MTUS2: variants seen among roughly 807,000 people sequenced by gnomAD.
The protein encoded by MTUS2 is microtubule associated scaffold protein 2, also known as microtubule-associated tumor suppressor candidate 2.
MTUS2 carries 40 observed loss-of-function variants against 114.1 expected under a neutral mutation model. The ratio of observed to expected loss-of-function variants is 0.35; its 90% CI spans 0.27 to 0.46. MTUS2 has a LOEUF of 0.46. MTUS2 is among the 20% of genes least tolerant of loss of function. The pLI is 1.00. For missense variants in MTUS2, 1,679 were observed against 1,705.4 expected (o/e 0.98, Z 0.27); for synonymous variants, 688 against 672.0 (o/e 1.02, Z -0.37).
chr13:29,252,897 G>A (rs1897171570), intron 5 of MTUS2, among the ~76,000 whole-genome samples: 2 of 151,822 alleles, frequency 1.3e-5, no homozygotes, highest in Admixed American at 1.3e-4. Flanking sequence ...GGAACTGTGA[G>A]TCCATTAAGC....
At chr13:29,046,556 C>A (rs1887627981) in intron 4 of MTUS2, among the ~76,000 whole-genome samples, 1 of 152,170 alleles carries the variant, frequency 6.6e-6, no homozygotes, top group South Asian at 2.1e-4. Flanking sequence ...CTCTTTTTGC[C>A]TGCATGTGCA....
intron 5 of MTUS2, among the ~76,000 whole-genome samples, chr13:29,137,470 C>T (rs549627263): frequency 1.8e-4 from 28 of 152,152 alleles, no homozygotes; most frequent in Non-Finnish European, 2.6e-4. Flanking sequence ...CTGGGACTAC[C>T]GCAGTGTATT....
At chr13:29,018,233 A>C (rs1886147957) in intron 2 of MTUS2, among the ~76,000 whole-genome samples, 1 of 152,200 alleles carries the variant, frequency 6.6e-6, no homozygotes, top group Admixed American at 6.5e-5. Flanking sequence ...ATGTAGGCCC[A>C]GTGCTCATTG....
intron 9 of MTUS2, among the ~76,000 whole-genome samples, chr13:29,445,656 C>T (rs1878222998): frequency 1.3e-5 from 2 of 152,120 alleles, no homozygotes; most frequent in Admixed American, 1.3e-4. Context: ...CTTATAATCC[C>T]AGCACTTTGG....
chr13:28,845,298 T>C (rs1410223272), intron 2 of MTUS2, among the ~76,000 whole-genome samples: 2 of 152,236 alleles, frequency 1.3e-5, no homozygotes, highest in African/African-American at 2.4e-5. Context: ...GTCACTAGAA[T>C]GTAAACTTCA....
intron 5 of MTUS2, among the ~76,000 whole-genome samples, chr13:29,204,492 C>G (rs1240126441): frequency 6.6e-6 from 1 of 152,214 alleles, no homozygotes; most frequent in Non-Finnish European, 1.5e-5. Context: ...CTGGGACCAT[C>G]TCTCTCTGGA....
At position 29,503,322 on chromosome 13, in the gene MTUS2, T is replaced by C; in HGVS notation, c.*116T>C. On this transcript the variant is annotated 3_prime_UTR_variant, in exon 16 of 16. Coordinates refer to ENST00000612955, the MANE Select transcript of MTUS2 (RefSeq NM_001033602.4). ...TGTGCGCATGCTCAGTAGCTGCGAATGCATCCTAGGCGCGTCCTCCTCTGA... is the reference window on the plus strand; with the variant it reads ...TGTGCGCATGCTCAGTAGCTGCGAACGCATCCTAGGCGCGTCCTCCTCTGA... The C allele has an allele frequency of 8.5e-7, 1 of 1,172,458 alleles. No homozygotes were observed. Among genetic ancestry groups the C allele is most frequent in the Admixed American group, 2.0e-5 (1 of 49,390 alleles). The allele number at this position is 1,172,458 out of a possible 1,614,324, so 72.6% of individuals were successfully genotyped here.
rs150831150 is a variant in MTUS2, at chr13:29,157,755, C to T, written c.2644+56785C>T. Among the ~76,000 whole-genome samples the T allele has an allele frequency of 4.0e-4, 61 of 152,012 alleles. 1 individual carries two copies. In the East Asian group the frequency reaches 0.01, roughly 26 times the overall value. On this transcript the variant is annotated intron_variant, in intron 5 of 15. Coordinates refer to ENST00000612955, the MANE Select transcript of MTUS2 (RefSeq NM_001033602.4). ...TCTGCATTTCCAACACACTCTGTAGCAAATCTTTATACCTAGGTTAGGATA... is the reference window on the plus strand; with the variant it reads ...TCTGCATTTCCAACACACTCTGTAGTAAATCTTTATACCTAGGTTAGGATA...
At chr13:28,969,302 C>T (rs1883744242) in intron 2 of MTUS2, among the ~76,000 whole-genome samples, 1 of 152,020 alleles carries the variant, frequency 6.6e-6, no homozygotes, top group South Asian at 2.1e-4. Flanking sequence ...TATATATATT[C>T]ATGGGATATA....
rs527296259 is a variant in MTUS2 at position 29,362,645 on chromosome 13, C to T, written c.3117+3172C>T. 1.1e-3 allele frequency among the ~76,000 whole-genome samples: 169 copies of T among 152,202 alleles called. 1 individual carries two copies. In the South Asian group the frequency reaches 0.014, roughly 13 times the overall value. On this transcript the variant is annotated intron_variant, in intron 8 of 15. Coordinates refer to ENST00000612955, the MANE Select transcript of MTUS2 (RefSeq NM_001033602.4). The stretch of plus-strand genomic sequence containing the variant: ...GAGGTTGCAGTGAACCGAGATTGCT[C>T]CACTGCACTCCAGCCTTGGTGACAG...
chr13:29,129,887 A>G (rs962990966), intron 5 of MTUS2, among the ~76,000 whole-genome samples: 4 of 152,278 alleles, frequency 2.6e-5, no homozygotes, highest in South Asian at 2.1e-4. Context: ...TTCTTGGTCC[A>G]TTAAGGTCAG....
At chr13:28,869,071 C>T (rs539887882) in intron 2 of MTUS2, among the ~76,000 whole-genome samples, 8 of 152,340 alleles carry the variant, frequency 5.3e-5, no homozygotes, top group Non-Finnish European at 7.3e-5. Context: ...TGAAACCACT[C>T]ACCTGTAATG....
intron 5 of MTUS2, among the ~76,000 whole-genome samples, chr13:29,204,351 C>T (rs1276250544): frequency 1.3e-5 from 2 of 152,186 alleles, no homozygotes; most frequent in African/African-American, 4.8e-5. Flanking sequence ...TCATGGTCAC[C>T]AGGCTGCGGA....
rs1423836302 is a variant in MTUS2 at position 29,028,734 on chromosome 13, A to T, written c.2205+1831A>T. Among the ~76,000 whole-genome samples the T allele has an allele frequency of 2.6e-5, 4 of 151,992 alleles. No individual in the cohort carries two copies. In the South Asian group the frequency reaches 6.2e-4, roughly 24 times the overall value. ...ATACTTTTTTAGTTTTCCTGAATTG[A>T]CTATAATGTAAACTCCATGAGGGAA... On this transcript the variant is annotated intron_variant, in intron 3 of 15. Coordinates refer to ENST00000612955, the MANE Select transcript of MTUS2 (RefSeq NM_001033602.4).
At chr13:29,011,960 A>G (rs1885862789) in intron 2 of MTUS2, among the ~76,000 whole-genome samples, 1 of 152,222 alleles carries the variant, frequency 6.6e-6, no homozygotes, top group South Asian at 2.1e-4. Flanking sequence ...ATAAAAAGGA[A>G]TTTGAAGGAG....
At chr13:29,372,188 TA>T (rs1871248962) in intron 8 of MTUS2, among the ~76,000 whole-genome samples, 1 of 151,592 alleles carries the variant, frequency 6.6e-6, no homozygotes, top group Non-Finnish European at 1.5e-5. Context: ...CCTCCAAATC[TA>T]GTGTGCACCT....
intron 2 of MTUS2, among the ~76,000 whole-genome samples, chr13:29,011,034 A>G (rs1484234312): frequency 6.6e-6 from 1 of 152,160 alleles, no homozygotes; most frequent in Admixed American, 6.5e-5. Flanking sequence ...TTATGCATAC[A>G]TGTTGTACAT....
chr13:29,088,892 G>A lies in MTUS2; in HGVS notation c.2447-11881G>A, dbSNP rs568890617. 9.2e-5 allele frequency among the ~76,000 whole-genome samples: 14 copies of A among 152,194 alleles called. No individual in the cohort carries two copies. In the South Asian group the frequency reaches 2.7e-3, roughly 29 times the overall value. Reference sequence around the variant, plus strand: ...GATCTCTTGAAGACAGCACACAGTTGGGTCTTGCTTATCTATCCAATTTGC... The same window carrying A: ...GATCTCTTGAAGACAGCACACAGTTAGGTCTTGCTTATCTATCCAATTTGC... On this transcript the variant is annotated intron_variant, in intron 4 of 15. Coordinates refer to ENST00000612955, the MANE Select transcript of MTUS2 (RefSeq NM_001033602.4).
intron 5 of MTUS2, among the ~76,000 whole-genome samples, chr13:29,105,346 C>T (rs1463252307): frequency 6.6e-6 from 1 of 152,144 alleles, no homozygotes; most frequent in Non-Finnish European, 1.5e-5. Flanking sequence ...ACTTAGGTTT[C>T]ATAAATTAAT....
Sources: allele counts gnomAD v4.1 joint callset (sites outside exome capture counted in the v4.1 genomes callset), GRCh38; gene constraint gnomAD v4.1.1; transcripts MANE v1.5; gene names NCBI Gene and HGNC (gene_info 2026-07-23, HGNC 2026-07-21).